DDX10: variants seen among roughly 807,000 people sequenced by gnomAD.
DDX10 encodes probable ATP-dependent RNA helicase DDX10.
A neutral mutation model predicts 104.3 loss-of-function variants in DDX10; 74 were observed. The ratio of observed to expected loss-of-function variants is 0.71; its 90% CI spans 0.59 to 0.86. The LOEUF (loss-of-function observed/expected upper bound fraction) is 0.86. Among genes scored for constraint, DDX10 ranks in the 40% least tolerant of loss-of-function variants. The pLI is 0.00. For synonymous variants in DDX10, 351 were observed against 353.4 expected (o/e 0.99, Z 0.08); for missense variants, 952 against 1,040.0 (o/e 0.92, Z 1.16).
intron 9 of DDX10, 21 bp downstream of exon 9, chr11:108,693,621 C>A (rs773281180): frequency 2.2e-5 from 34 of 1,557,732 alleles, no homozygotes; most frequent in Non-Finnish European, 2.9e-5. Context: ...TGACTAATTT[C>A]TTTTCTTTTG....
chr11:108,745,102 C>A (rs117802416), intron 13 of DDX10, among the ~76,000 whole-genome samples: 9,797 of 102,906 alleles, frequency 0.095, 564 homozygotes, highest in East Asian at 0.19. Context: ...TTCCTCCCCT[C>A]CCCCTCCCCT....
At chr11:108,704,242 T>C (rs2094272585) in intron 9 of DDX10, among the ~76,000 whole-genome samples, 1 of 152,210 alleles carries the variant, frequency 6.6e-6, no homozygotes, top group South Asian at 2.1e-4. Flanking sequence ...TCTTACTCTT[T>C]GCCAAAGTTC....
At chr11:108,788,781 TCTTA>T (rs747121868) in intron 13 of DDX10, among the ~76,000 whole-genome samples, 1 of 152,224 alleles carries the variant, frequency 6.6e-6, no homozygotes, top group Admixed American at 6.5e-5. Flanking sequence ...GCAGATAGGC[TCTTA>T]CTTAGCCACA....
chr11:108,828,328 A>G (rs920146324), intron 13 of DDX10, among the ~76,000 whole-genome samples: 3 of 152,054 alleles, frequency 2.0e-5, no homozygotes, highest in African/African-American at 7.2e-5. Flanking sequence ...CCGAGTCTCC[A>G]AAGTCCAATG....
intron 13 of DDX10, among the ~76,000 whole-genome samples, chr11:108,742,979 T>C (rs1204424116): frequency 1.3e-5 from 2 of 152,166 alleles, no homozygotes; most frequent in East Asian, 3.9e-4. Flanking sequence ...GTTACCATTC[T>C]TACTGAAACT....
intron 13 of DDX10, among the ~76,000 whole-genome samples, chr11:108,836,365 ATAT>A (rs1322149601): frequency 6.6e-6 from 1 of 152,224 alleles, no homozygotes; most frequent in Non-Finnish European, 1.5e-5. Context: ...TTAAATCATA[ATAT>A]TATTGCAGAT....
chr11:108,820,493 C>T (rs1862311614), intron 13 of DDX10, among the ~76,000 whole-genome samples: 1 of 152,196 alleles, frequency 6.6e-6, no homozygotes, highest in African/African-American at 2.4e-5. Flanking sequence ...ATATCCCTTC[C>T]GTTACTATTC....
intron 13 of DDX10, among the ~76,000 whole-genome samples, chr11:108,795,687 C>T (rs1184371426): frequency 1.3e-5 from 2 of 152,108 alleles, no homozygotes; most frequent in Non-Finnish European, 1.5e-5. Context: ...TTTTTTATGG[C>T]TGCATAGTAT....
intron 17 of DDX10, chr11:108,922,217 C>T: frequency 5.4e-5 from 1 of 18,686 alleles, no homozygotes; most frequent in East Asian, 4.1e-3. Flanking sequence ...GCACTCCAGC[C>T]TGGGCAACAG....
intron 10 of DDX10, among the ~76,000 whole-genome samples, chr11:108,711,282 A>G (rs114372647): frequency 0.012 from 1,791 of 152,316 alleles, 38 homozygotes; most frequent in African/African-American, 0.041. Flanking sequence ...TGTGTTATTC[A>G]GAGGTGTGTT....
chr11:108,838,094 T>C (rs1016440883), intron 13 of DDX10, among the ~76,000 whole-genome samples: 1 of 152,168 alleles, frequency 6.6e-6, no homozygotes, highest in Non-Finnish European at 1.5e-5. Flanking sequence ...TTTTAAGATA[T>C]GTATGAAATT....
chr11:108,698,015 C>T (rs979046701), intron 9 of DDX10, among the ~76,000 whole-genome samples: 3 of 152,154 alleles, frequency 2.0e-5, no homozygotes, highest in Non-Finnish European at 2.9e-5. Context: ...TTTTGTGGCG[C>T]TCAGAAATTC....
rs556218971 is a variant in DDX10, at chr11:108,740,187, A to G, written c.1965+16725A>G. ...TGTGTCTCTTGTTGCCTTCAGATCC[A>G]TATGTACTCAATGTTTAACTTGCAC... is the stretch of plus-strand genomic sequence containing the variant. On this transcript the variant is annotated intron_variant, in intron 13 of 17. Coordinates refer to ENST00000322536, the MANE Select transcript of DDX10 (RefSeq NM_004398.4). Among the ~76,000 whole-genome samples the G allele has an allele frequency of 5.3e-5, 8 of 152,150 alleles. No homozygotes were observed. The East Asian group carries it at 7.7e-4, about 15-fold the overall frequency.
At chr11:108,939,156 G>T (rs543682577) in intron 17 of DDX10, among the ~76,000 whole-genome samples, 17 of 152,250 alleles carry the variant, frequency 1.1e-4, no homozygotes, top group Middle Eastern at 3.4e-3. Flanking sequence ...ACAACTGAGG[G>T]TTAGAAGTGT....
chr11:108,913,276 A>G (rs1305421635), intron 16 of DDX10, among the ~76,000 whole-genome samples: 1 of 151,892 alleles, frequency 6.6e-6, no homozygotes, highest in African/African-American at 2.4e-5. Context: ...AGGCAGGACA[A>G]CTCGAAGCAG....
intron 15 of DDX10, among the ~76,000 whole-genome samples, chr11:108,847,123 A>G (rs1862730145): frequency 6.6e-6 from 1 of 152,234 alleles, no homozygotes. Context: ...GGAATCAATC[A>G]TTGGAAATAA....
At chr11:108,790,424 A>T (rs750784048) in intron 13 of DDX10, among the ~76,000 whole-genome samples, 13 of 152,194 alleles carry the variant, frequency 8.5e-5, no homozygotes, top group Non-Finnish European at 1.6e-4. Context: ...TATTTAAGGT[A>T]AATATAATCT....
intron 6 of DDX10, 32 bp downstream of exon 6, chr11:108,679,592 G>T: frequency 2.0e-6 from 3 of 1,469,402 alleles, no homozygotes; most frequent in Non-Finnish European, 2.7e-6. Flanking sequence ...CAAGATAAAT[G>T]TTTTTTACTT....
chr11:108,805,434 A>T (rs1023886796), intron 13 of DDX10, among the ~76,000 whole-genome samples: 3 of 152,252 alleles, frequency 2.0e-5, no homozygotes, highest in African/African-American at 7.2e-5. Flanking sequence ...GTTAGAATAA[A>T]AGTCTCAATA....
Sources: gnomAD v4.1 joint callset for allele counts (sites outside exome capture counted in the v4.1 genomes callset) on GRCh38, gnomAD v4.1.1 for gene constraint, MANE v1.5 for transcripts, NCBI Gene and HGNC (gene_info 2026-07-23, HGNC 2026-07-21) for gene names.